NRG2: variants seen among roughly 807,000 people sequenced by gnomAD.
The protein encoded by NRG2 is pro-neuregulin-2, membrane-bound isoform.
A neutral mutation model predicts 73.9 loss-of-function variants in NRG2; 27 were observed. The ratio of observed to expected loss-of-function variants is 0.37; its 90% CI spans 0.27 to 0.50. The LOEUF (loss-of-function observed/expected upper bound fraction) is 0.50. Ranked by LOEUF, NRG2 falls within the 20% of genes least tolerant of loss-of-function variation. The probability of loss-of-function intolerance (pLI) is 0.96; values close to 1 mark genes in which losing one functional copy is unlikely to be tolerated. For synonymous variants in NRG2, 532 were observed against 541.0 expected (o/e 0.98, Z 0.23); for missense variants, 1,126 against 1,210.1 (o/e 0.93, Z 1.03).
chr5:139,914,621 C>T (rs1275368970), intron 1 of NRG2, among the ~76,000 whole-genome samples: 2 of 152,232 alleles, frequency 1.3e-5, no homozygotes, highest in Admixed American at 1.3e-4. Flanking sequence ...ACCTCATAGC[C>T]TCATTCCTCC....
At chr5:140,020,583 C>G (rs943378079) in intron 1 of NRG2, among the ~76,000 whole-genome samples, 1 of 152,176 alleles carries the variant, frequency 6.6e-6, no homozygotes, top group South Asian at 2.1e-4. Flanking sequence ...TTCAAGCTAA[C>G]CTTTTGCTTC....
At chr5:139,943,736 A>C (rs1003158878) in intron 1 of NRG2, among the ~76,000 whole-genome samples, 1 of 152,214 alleles carries the variant, frequency 6.6e-6, no homozygotes, top group Non-Finnish European at 1.5e-5. Flanking sequence ...ATGAGGATGC[A>C]CCAGTAATAA....
chr5:140,013,950 A>C (rs1323902363), intron 1 of NRG2, among the ~76,000 whole-genome samples: 1 of 151,538 alleles, frequency 6.6e-6, no homozygotes, highest in East Asian at 1.9e-4. Flanking sequence ...CTTCTCTCTA[A>C]CCCTTTAATA....
At chr5:139,848,779 G>GGGGGGGGGGGGGGGC in intron 9 of NRG2, 82 bp from the exon 10 acceptor site, 1 of 198,602 alleles carries the variant, frequency 5.0e-6, no homozygotes. Flanking sequence ...GGTAGGGTGG[G>GGGGGGGGGGGGGGGC]AGGGGCGGAC....
intron 1 of NRG2, among the ~76,000 whole-genome samples, chr5:140,020,556 A>C (rs990639903): frequency 1.3e-5 from 2 of 152,244 alleles, no homozygotes; most frequent in Admixed American, 6.5e-5. Flanking sequence ...ATATGTCCCA[A>C]GATCCGGACA....
intron 1 of NRG2, among the ~76,000 whole-genome samples, chr5:139,955,489 CTACA>C (rs1163642212): frequency 6.6e-6 from 1 of 152,096 alleles, no homozygotes; most frequent in Non-Finnish European, 1.5e-5. Flanking sequence ...AGGTGAAAGG[CTACA>C]TAAACTGGGC....
intron 1 of NRG2, among the ~76,000 whole-genome samples, chr5:140,020,868 C>T (rs1406567186): frequency 2.0e-5 from 3 of 152,196 alleles, no homozygotes; most frequent in Non-Finnish European, 4.4e-5. Flanking sequence ...CAGAGATGTT[C>T]ATGTGTGGGG....
Position 139,851,272 on chromosome 5 carries a change from C to A in NRG2, c.1772+332G>T, listed in dbSNP as rs1761398302. ...CAAGTGCTGGGATTACAGGTGTGAG[C>A]CACCGCGCCCGGCTGCCTGTTTGTT... On this transcript the variant is annotated intron_variant, in intron 9 of 9. Coordinates refer to ENST00000361474, the MANE Select transcript of NRG2 (RefSeq NM_004883.3). This position sits in a 1 kb window ranked among gnomAD's most constrained non-coding sequence, Gnocchi z 4.2. Among the ~76,000 whole-genome samples the A allele has an allele frequency of 6.6e-6, 1 of 152,180 alleles. No homozygotes were observed. The highest frequency in any genetic ancestry group is 2.4e-5 in the African/African-American group (1 of 41,446).
intron 1 of NRG2, among the ~76,000 whole-genome samples, chr5:139,975,910 A>T (rs1462885140): frequency 1.3e-5 from 2 of 152,268 alleles, no homozygotes; most frequent in Non-Finnish European, 2.9e-5. Flanking sequence ...AATTAAAATT[A>T]AAAATAATAC....
intron 5 of NRG2, among the ~76,000 whole-genome samples, chr5:139,864,009 T>C (rs1333314766): frequency 6.6e-6 from 1 of 152,204 alleles, no homozygotes; most frequent in Non-Finnish European, 1.5e-5. Flanking sequence ...GCTACCTACA[T>C]GGTCCCCTGG....
intron 1 of NRG2, among the ~76,000 whole-genome samples, chr5:139,957,656 G>A (rs2126488484): frequency 6.6e-6 from 1 of 152,320 alleles, no homozygotes; most frequent in East Asian, 1.9e-4. Context: ...CTTTCCTGGG[G>A]TGAGGCACTC....
rs1404653762 is a variant in NRG2, at chr5:139,848,274, C to G, written c.2196G>C (p.Ala732=). 1 of 1,112,124 alleles carries G rather than the reference C, an allele frequency of 9.0e-7. No individual in the cohort carries two copies. Among genetic ancestry groups the G allele is most frequent in the Non-Finnish European group, 1.1e-6 (1 of 913,112 alleles). 68.9% of individuals were successfully genotyped at this position (1,112,124 alleles called of 1,614,324 possible). A position where few individuals can be genotyped will look rare whatever the true frequency, so the allele number is the denominator to read the frequency against. ...GGGGCCCCGCCGACGTCCTGCGGGA[C>G]GCACCGCGCGCGCGCGGCCGCGGCG... The part of the protein sequence containing the change: ...PPPPRPRARG[A]SRRTSAGPRR... Residue 732 remains alanine, a synonymous_variant, in exon 10 of 10, where the codon GCG becomes GCC. Transcript: ENST00000361474.
chr5:139,920,926 C>A (rs911353188), intron 1 of NRG2, among the ~76,000 whole-genome samples: 2 of 152,108 alleles, frequency 1.3e-5, no homozygotes, highest in African/African-American at 4.8e-5. Flanking sequence ...GTTAATAATA[C>A]AAAAGTCAAT....
chr5:139,994,539 A>C (rs1757884802), intron 1 of NRG2, among the ~76,000 whole-genome samples: 1 of 152,258 alleles, frequency 6.6e-6, no homozygotes, highest in Non-Finnish European at 1.5e-5. Flanking sequence ...TCAGTTTTAC[A>C]AGATAAAAAA....
intron 1 of NRG2, among the ~76,000 whole-genome samples, chr5:139,935,396 C>T (rs1752771970): frequency 6.6e-6 from 1 of 152,094 alleles, no homozygotes; most frequent in Admixed American, 6.5e-5. Context: ...TAGGATACTC[C>T]ACTGAAAAAC....
chr5:139,855,226 TC>T (rs1761729865), intron 6 of NRG2, among the ~76,000 whole-genome samples: 1 of 152,188 alleles, frequency 6.6e-6, no homozygotes, highest in African/African-American at 2.4e-5. Context: ...TCTGTGTTCC[TC>T]CCCAACACTA....
intron 1 of NRG2, among the ~76,000 whole-genome samples, chr5:139,998,020 A>G (rs1320887432): frequency 6.6e-6 from 1 of 152,176 alleles, no homozygotes; most frequent in African/African-American, 2.4e-5. Context: ...CCCTTCACAG[A>G]GTTATAATCT....
intron 1 of NRG2, among the ~76,000 whole-genome samples, chr5:139,948,988 G>A (rs991540068): frequency 4.6e-5 from 7 of 152,134 alleles, no homozygotes; most frequent in Admixed American, 4.6e-4. Context: ...GAGTCTCGGT[G>A]ACCCTGAGGC....
intron 1 of NRG2, among the ~76,000 whole-genome samples, chr5:140,038,166 T>C (rs1761648827): frequency 6.6e-6 from 1 of 152,020 alleles, no homozygotes; most frequent in Non-Finnish European, 1.5e-5. Flanking sequence ...GGAAATAAAA[T>C]TAAAATGCCC....
Sources: gnomAD v4.1 joint callset for allele counts (sites outside exome capture counted in the v4.1 genomes callset) on GRCh38, gnomAD v4.1.1 for gene constraint, Gnocchi (gnomAD v3.1) non-coding constraint, MANE v1.5 for transcripts, NCBI Gene and HGNC (gene_info 2026-07-23, HGNC 2026-07-21) for gene names.